MMP2: variants seen among roughly 807,000 people sequenced by gnomAD.
MMP2 encodes matrix metallopeptidase 2.
In MMP2, 39 loss-of-function variants were observed where a neutral mutation model predicts 74.8. The ratio of observed to expected loss-of-function variants is 0.52; its 90% CI spans 0.40 to 0.68. MMP2 has a LOEUF of 0.68. Among genes scored for constraint, MMP2 ranks in the 30% least tolerant of loss-of-function variants. The pLI is 0.00. For synonymous variants in MMP2, 367 were observed against 339.8 expected (o/e 1.08, Z -0.88); for missense variants, 803 against 878.3 (o/e 0.91, Z 1.08).
intron 11 of MMP2, among the ~76,000 whole-genome samples, chr16:55,501,148 G>C (rs1040475170): frequency 6.6e-6 from 1 of 152,228 alleles, no homozygotes; most frequent in African/African-American, 2.4e-5. Flanking sequence ...AGTTGAGGTA[G>C]ATACTGTTAG....
chr16:55,499,424 A>C (rs142321538), intron 11 of MMP2, among the ~76,000 whole-genome samples: 1 of 152,240 alleles, frequency 6.6e-6, no homozygotes, highest in East Asian at 1.9e-4. Context: ...CAGCATCCAA[A>C]TCAGACCCCA....
intron 7 of MMP2, 111 bp downstream of exon 7, chr16:55,489,935 C>T (rs17859920): frequency 7.1e-6 from 9 of 1,269,474 alleles, no homozygotes; most frequent in Non-Finnish European, 8.8e-6. Flanking sequence ...CACTGCCCCC[C>T]AGACACCCAC....
In MMP2 at chr16:55,498,362, G is replaced by A; in HGVS notation, c.1683G>A (p.Leu561=). Residue 561 remains leucine, a synonymous_variant, in exon 11 of 13, where the codon CTG becomes CTA. Transcript: ENST00000219070. ...CCAAGCCACTGACCAGCCTGGGACTGCCCCCTGATGTCCAGCGAGTGGATG... is the reference window on the plus strand; with the variant it reads ...CCAAGCCACTGACCAGCCTGGGACTACCCCCTGATGTCCAGCGAGTGGATG... ...GYPKPLTSLG[L]PPDVQRVDAA... 1.2e-6 allele frequency: 2 copies of A among 1,614,264 alleles called. No homozygotes were observed. The highest frequency in any genetic ancestry group is 1.7e-6 in the Non-Finnish European group (2 of 1,180,044).
chr16:55,485,218 G>T (rs1962211080), intron 3 of MMP2, 81 bp from the exon 4 acceptor site: 1 of 1,582,664 alleles, frequency 6.3e-7, no homozygotes, highest in Non-Finnish European at 8.7e-7. Context: ...GGGCTGACAG[G>T]CTCCACATGT....
Position 55,493,185 on chromosome 16 carries a change from C to G in MMP2, c.1364C>G (p.Thr455Ser). 6.2e-7 allele frequency: 1 copy of G among 1,614,012 alleles called. No homozygotes were observed. Among genetic ancestry groups the G allele is most frequent in the Non-Finnish European group, 8.5e-7 (1 of 1,180,010 alleles). ...GCCTCTCCTGACATTGACCTTGGCA[C>G]CGGCCCCACCCCCACGCTGGGCCCT... ...YGASPDIDLG[T>S]GPTPTLGPVT... is the part of the protein sequence containing the mutation. The change falls in exon 9 of 13, where the codon ACC becomes AGC. Residue 455 changes from threonine (T) to serine (S), a missense_variant. Physicochemically the swap from Thr to Ser is moderately conservative, Grantham distance 58 (BLOSUM62 1). Transcript: ENST00000219070.
intron 1 of MMP2, among the ~76,000 whole-genome samples, chr16:55,481,181 T>C (rs935231964): frequency 1.2e-4 from 18 of 152,150 alleles, no homozygotes; most frequent in African/African-American, 4.1e-4. Flanking sequence ...AGTATACATA[T>C]GGTTATTTCT....
chr16:55,495,470 G>T (rs1334723036), intron 9 of MMP2, among the ~76,000 whole-genome samples: 2 of 152,238 alleles, frequency 1.3e-5, no homozygotes, highest in Non-Finnish European at 2.9e-5. Context: ...ACTGGTGAGG[G>T]TGGGGGTCAT....
intron 9 of MMP2, among the ~76,000 whole-genome samples, chr16:55,496,720 T>C (rs112815955): frequency 8.5e-5 from 13 of 152,058 alleles, no homozygotes; most frequent in African/African-American, 3.1e-4. Flanking sequence ...GAGAACAGGG[T>C]AGGAGGATGT....
chr16:55,502,787 A>G lies in MMP2; in HGVS notation c.1778A>G (p.Glu593Gly), dbSNP rs932966591. 2.5e-6 allele frequency: 4 copies of G among 1,613,194 alleles called. No homozygotes were observed. Among genetic ancestry groups the G allele is most frequent in the South Asian group, 1.1e-5 (1 of 91,074 alleles). The change falls in exon 12 of 13, where the codon GAG becomes GGG. Residue 593 changes from glutamate (E) to glycine (G), a missense_variant. Transcript: ENST00000219070. Reference protein sequence around the residue: ...FAGDKFWRYNEVKKKMDPGFP... With the variant: ...FAGDKFWRYNGVKKKMDPGFP... The stretch of plus-strand genomic sequence containing the variant: ...TGTCTGTTTCTTTACAGATACAATG[A>G]GGTGAAGAAGAAAATGGATCCTGGC...
intron 9 of MMP2, among the ~76,000 whole-genome samples, chr16:55,495,404 A>G (rs148389852): frequency 6.6e-6 from 1 of 152,312 alleles, no homozygotes; most frequent in East Asian, 1.9e-4. Flanking sequence ...TAATGGGTTT[A>G]TTTGATTAAC....
intron 12 of MMP2, among the ~76,000 whole-genome samples, chr16:55,504,684 C>T (rs1358716691): frequency 6.7e-6 from 1 of 149,792 alleles, no homozygotes; most frequent in African/African-American, 2.5e-5. Context: ...ACAGAGTCTC[C>T]CTCTGTCGCC....
intron 11 of MMP2, among the ~76,000 whole-genome samples, chr16:55,499,930 G>C (rs1244566713): frequency 6.6e-6 from 1 of 151,942 alleles, no homozygotes; most frequent in Non-Finnish European, 1.5e-5. Flanking sequence ...GAATTTTAGA[G>C]GGCACTTCCT....
At chr16:55,490,225 C>T (rs1426125974) in intron 7 of MMP2, among the ~76,000 whole-genome samples, 1 of 152,206 alleles carries the variant, frequency 6.6e-6, no homozygotes, top group East Asian at 1.9e-4. Flanking sequence ...AGAGACATTC[C>T]CACTGCACAA....
intron 5 of MMP2, chr16:55,487,638 G>T (rs1397581495): frequency 6.6e-6 from 1 of 152,260 alleles, no homozygotes; most frequent in African/African-American, 2.4e-5. Flanking sequence ...TGCACAGATG[G>T]TCCTTGTTAT....
At chr16:55,500,682 G>A (rs1461196230) in intron 11 of MMP2, among the ~76,000 whole-genome samples, 2 of 152,220 alleles carry the variant, frequency 1.3e-5, no homozygotes, top group African/African-American at 4.8e-5. Flanking sequence ...GAGACTTCCT[G>A]AAAAGGGACA....
chr16:55,483,974 TG>T, intron 2 of MMP2, 41 bp from the exon 3 acceptor site: 1 of 1,606,188 alleles, frequency 6.2e-7, no homozygotes, highest in Non-Finnish European at 8.5e-7. Context: ...CATACACTTA[TG>T]CACATGCATA....
rs1011123850 is a variant in MMP2 at position 55,491,247 on chromosome 16, A to T, written c.1181-554A>T. On this transcript the variant is annotated intron_variant, in intron 7 of 12. Coordinates refer to ENST00000219070, the MANE Select transcript of MMP2 (RefSeq NM_004530.6). The stretch of plus-strand genomic sequence containing the variant: ...ACTTGGGCAAATCTTTTCTGGGGGG[A>T]CGCATTTAACCACAACAGGGTGTGA... Among the ~76,000 whole-genome samples, 3 of 151,738 alleles carry T rather than the reference A, an allele frequency of 2.0e-5. No individual in the cohort carries two copies. The East Asian group carries it at 5.8e-4, about 29-fold the overall frequency.
At chr16:55,496,207 G>C (rs1191249641) in intron 9 of MMP2, among the ~76,000 whole-genome samples, 5 of 152,202 alleles carry the variant, frequency 3.3e-5, no homozygotes, top group Admixed American at 3.3e-4. Context: ...GTTCTCAGGT[G>C]ACGCAGATGC....
rs1268711883 is a variant in MMP2 at position 55,503,386 on chromosome 16, G to A, written c.1879+498G>A. On this transcript the variant is annotated intron_variant, in intron 12 of 12. Coordinates refer to ENST00000219070, the MANE Select transcript of MMP2 (RefSeq NM_004530.6). ...TAAAACACAACCAGTAGCAGCGAGG[G>A]ATAGAATTTGGAGTTTGAAAATCAT... is the stretch of plus-strand genomic sequence containing the variant. Among the ~76,000 whole-genome samples the A allele has an allele frequency of 2.0e-5, 3 of 152,314 alleles. No homozygotes were observed. In the East Asian group the frequency reaches 5.8e-4, roughly 29 times the overall value.
Sources: allele counts gnomAD v4.1 joint callset (sites outside exome capture counted in the v4.1 genomes callset), GRCh38; gene constraint gnomAD v4.1.1; transcripts MANE v1.5; gene names NCBI Gene and HGNC (gene_info 2026-07-23, HGNC 2026-07-21).